Variants in LOC128706666 observed in about 807,000 individuals in gnomAD.
chr20:10,431,703 G>A, the LOC128706666 span: 4 of 152,110 alleles, frequency 2.6e-5, no homozygotes, highest in East Asian at 5.8e-4. Context: ...AGTTACGGCA[G>A]GGAGTCAAGA....
chr20:10,426,599 A>G, the LOC128706666 span, among the ~76,000 whole-genome samples: 1 of 152,148 alleles, frequency 6.6e-6, no homozygotes, highest in African/African-American at 2.4e-5. Flanking sequence ...GGGTTTCACC[A>G]TGTTGCCCAG....
chr20:10,428,774 G>A, the LOC128706666 span, among the ~76,000 whole-genome samples: 57 of 152,188 alleles, frequency 3.7e-4, 1 homozygote, highest in Admixed American at 3.7e-3. Flanking sequence ...AGGAGGCAGA[G>A]GTTACATTAC....
chr20:10,432,222 A>G, the LOC128706666 span, among the ~76,000 whole-genome samples: 1 of 152,190 alleles, frequency 6.6e-6, no homozygotes, highest in Admixed American at 6.5e-5. Context: ...TTCCTGTGGG[A>G]CTGGTGGAGA....
chr20:10,433,281 G>C, the LOC128706666 span, among the ~76,000 whole-genome samples: 1 of 152,208 alleles, frequency 6.6e-6, no homozygotes, highest in Non-Finnish European at 1.5e-5. Context: ...CGGGGTTACA[G>C]GGGTGAGCCA....
At chr20:10,428,269 T>C in the LOC128706666 span, among the ~76,000 whole-genome samples, 2 of 152,202 alleles carry the variant, frequency 1.3e-5, no homozygotes, top group African/African-American at 2.4e-5. Flanking sequence ...TGGTGATTGG[T>C]GGAGGAGAGG....
the LOC128706666 span, among the ~76,000 whole-genome samples, chr20:10,416,645 T>C: frequency 6.6e-6 from 1 of 152,230 alleles, no homozygotes; most frequent in South Asian, 2.1e-4. Flanking sequence ...GCTTTCCTTG[T>C]ATAAATGCAT....
At chr20:10,428,817 C>T in the LOC128706666 span, among the ~76,000 whole-genome samples, 1 of 150,592 alleles carries the variant, frequency 6.6e-6, no homozygotes. Flanking sequence ...GCACTCCAGC[C>T]TAGGTGACAG....
At chr20:10,426,587 C>T in the LOC128706666 span, among the ~76,000 whole-genome samples, 21 of 152,152 alleles carry the variant, frequency 1.4e-4, no homozygotes, top group African/African-American at 2.9e-4. Context: ...TTAGTAGAGA[C>T]GGGGTTTCAC....
At chr20:10,419,754 G>C in the LOC128706666 span, among the ~76,000 whole-genome samples, 1 of 152,138 alleles carries the variant, frequency 6.6e-6, no homozygotes, top group African/African-American at 2.4e-5. Context: ...GACAGACAAG[G>C]GAATGACTCA....
At chr20:10,427,035 C>CACACAGACACACACACAG in the LOC128706666 span, among the ~76,000 whole-genome samples, 1 of 56,424 alleles carries the variant, frequency 1.8e-5, no homozygotes, top group African/African-American at 4.0e-5. Context: ...CACTGACACA[C>CACACAGACACACACACAG]ACACACACAC....
At chr20:10,413,972 C>T in the LOC128706666 span, 6 of 402,618 alleles carry the variant, frequency 1.5e-5, no homozygotes, top group Admixed American at 2.5e-4. Flanking sequence ...AAATACTTCC[C>T]AAGCAGTTTG....
At chr20:10,418,362 G>A in the LOC128706666 span, among the ~76,000 whole-genome samples, 1 of 152,042 alleles carries the variant, frequency 6.6e-6, no homozygotes, top group East Asian at 1.9e-4. Context: ...ATACTTGAGG[G>A]CTCAATATAC....
the LOC128706666 span, among the ~76,000 whole-genome samples, chr20:10,428,564 C>T: frequency 0.015 from 2,231 of 152,228 alleles, 34 homozygotes; most frequent in Non-Finnish European, 0.021. Flanking sequence ...TTCAGCTGGG[C>T]GCGGTGGCTC....
the LOC128706666 span, among the ~76,000 whole-genome samples, chr20:10,414,651 T>G: frequency 6.6e-6 from 1 of 152,228 alleles, no homozygotes; most frequent in Non-Finnish European, 1.5e-5. Context: ...AATTGTGGTT[T>G]GCTTGGAAAC....
chr20:10,422,037 T>C, the LOC128706666 span, among the ~76,000 whole-genome samples: 2 of 152,142 alleles, frequency 1.3e-5, no homozygotes, highest in African/African-American at 4.8e-5. Context: ...CTGAAAAGAA[T>C]TTCTTATTCC....
the LOC128706666 span, among the ~76,000 whole-genome samples, chr20:10,421,600 G>A: frequency 2.1e-4 from 32 of 152,056 alleles, no homozygotes; most frequent in Non-Finnish European, 3.5e-4. Context: ...TGGCTTGAAC[G>A]CTACAAATCA....
At chr20:10,422,545 G>A in the LOC128706666 span, among the ~76,000 whole-genome samples, 2 of 152,074 alleles carry the variant, frequency 1.3e-5, no homozygotes, top group African/African-American at 4.8e-5. Flanking sequence ...GAGGGACAGA[G>A]GCTGCACCAA....
chr20:10,415,485 G>A, the LOC128706666 span, among the ~76,000 whole-genome samples: 1 of 152,174 alleles, frequency 6.6e-6, no homozygotes, highest in Non-Finnish European at 1.5e-5. Context: ...GGCAATGATG[G>A]TCAGCTTTCT....
chr20:10,426,103 A>G, the LOC128706666 span, among the ~76,000 whole-genome samples: 1 of 152,132 alleles, frequency 6.6e-6, no homozygotes, highest in East Asian at 1.9e-4. Flanking sequence ...CATATTTTTC[A>G]TTTTGTTTTG....
Sources: allele counts gnomAD v4.1 joint callset (sites outside exome capture counted in the v4.1 genomes callset), GRCh38; gene constraint gnomAD v4.1.1; transcripts MANE v1.5.